The following CDH12 variants were observed in gnomAD, a reference collection of about 807,000 sequenced individuals.
CDH12 encodes the protein cadherin-12.
Under a neutral mutation model 74.1 loss-of-function variants are expected in CDH12, and 41 were observed. The ratio of observed to expected loss-of-function variants is 0.55; its 90% CI spans 0.43 to 0.72. The LOEUF is 0.72. Among genes scored for constraint, CDH12 ranks in the 30% least tolerant of loss-of-function variants. The pLI, the probability that CDH12 is intolerant of heterozygous loss-of-function variation, is 0.00. For synonymous variants in CDH12, 399 were observed against 355.0 expected, an observed-to-expected ratio of 1.12 and a Z score of -1.39; for missense variants, 945 against 977.2, an observed-to-expected ratio of 0.97 and a Z score of 0.44.
intron 1 of CDH12, among the ~76,000 whole-genome samples, chr5:22,527,216 C>A (rs1425001195): frequency 6.6e-6 from 1 of 152,156 alleles, no homozygotes; most frequent in South Asian, 2.1e-4. Flanking sequence ...AGTATAAATT[C>A]TTGGCATTGT....
At chr5:22,029,225 C>G (rs1451595247) in intron 5 of CDH12, among the ~76,000 whole-genome samples, 1 of 151,982 alleles carries the variant, frequency 6.6e-6, no homozygotes, top group Non-Finnish European at 1.5e-5. Context: ...GTCTAAAACA[C>G]CAAAAGCAAT....
chr5:21,833,044 A>ATATGTTATGTAACATATAC (rs1561224561), intron 8 of CDH12, among the ~76,000 whole-genome samples: 1 of 71,776 alleles, frequency 1.4e-5, no homozygotes, highest in African/African-American at 5.2e-5. Context: ...ATAATATATA[A>ATATGTTATGTAACATATAC]TATATATTAT....
intron 3 of CDH12, among the ~76,000 whole-genome samples, chr5:22,273,520 G>T (rs890186014): frequency 2.6e-5 from 4 of 152,026 alleles, no homozygotes; most frequent in Non-Finnish European, 4.4e-5. Context: ...TATTAGCTTG[G>T]TGCAAATTGC....
chr5:21,839,902 T>G (rs1056337767), intron 8 of CDH12, among the ~76,000 whole-genome samples: 2 of 152,056 alleles, frequency 1.3e-5, no homozygotes, highest in Non-Finnish European at 2.9e-5. Context: ...TAGTGATTGG[T>G]GTTAGATGTA....
intron 4 of CDH12, among the ~76,000 whole-genome samples, chr5:22,126,929 C>T (rs1213212870): frequency 6.6e-6 from 1 of 152,104 alleles, no homozygotes; most frequent in Non-Finnish European, 1.5e-5. Flanking sequence ...TATTCATTCC[C>T]GTGTTAAAAT....
intron 1 of CDH12, among the ~76,000 whole-genome samples, chr5:22,819,878 AT>A (rs1749582245): frequency 6.7e-6 from 1 of 149,042 alleles, no homozygotes; most frequent in Non-Finnish European, 1.5e-5. Context: ...AAATATATAT[AT>A]TTATATCCAG....
chr5:22,223,426 A>G (rs937271510), intron 3 of CDH12, among the ~76,000 whole-genome samples: 1 of 152,048 alleles, frequency 6.6e-6, no homozygotes, highest in African/African-American at 2.4e-5. Context: ...GGTCAGCCTT[A>G]TTAGGAATTT....
intron 1 of CDH12, among the ~76,000 whole-genome samples, chr5:22,726,298 A>G (rs1266872522): frequency 2.0e-5 from 3 of 151,732 alleles, no homozygotes; most frequent in Non-Finnish European, 4.4e-5. Flanking sequence ...TATATGTTAT[A>G]TGGCCTTTTC....
At chr5:22,577,004 A>T (rs1255622850) in intron 1 of CDH12, among the ~76,000 whole-genome samples, 4 of 152,162 alleles carry the variant, frequency 2.6e-5, no homozygotes, top group African/African-American at 7.2e-5. Context: ...TATTAATATT[A>T]AAAAAAGGAG....
intron 1 of CDH12, among the ~76,000 whole-genome samples, chr5:22,729,595 C>A (rs77199182): frequency 0.04 from 6,020 of 151,936 alleles, 177 homozygotes; most frequent in Admixed American, 0.07. Flanking sequence ...ACCAGTGCAT[C>A]TAGGAAGGAT....
At chr5:22,483,664 T>C (rs1365305991) in intron 2 of CDH12, among the ~76,000 whole-genome samples, 2 of 144,008 alleles carry the variant, frequency 1.4e-5, no homozygotes, top group Non-Finnish European at 3.0e-5. Context: ...GGAAACCTTA[T>C]GCAGAATTGA....
chr5:21,830,295 C>T (rs1309094199), intron 8 of CDH12, among the ~76,000 whole-genome samples: 2 of 147,460 alleles, frequency 1.4e-5, no homozygotes, highest in African/African-American at 5.0e-5. Context: ...TCAACCACCA[C>T]TTGTTCATCT....
chr5:22,739,793 G>A (rs536284041), intron 1 of CDH12, among the ~76,000 whole-genome samples: 1 of 152,012 alleles, frequency 6.6e-6, no homozygotes, highest in Non-Finnish European at 1.5e-5. Flanking sequence ...TTTAACATTA[G>A]TGTGAACTAG....
chr5:22,809,917 A>G (rs180999500), intron 1 of CDH12, among the ~76,000 whole-genome samples: 2 of 152,240 alleles, frequency 1.3e-5, no homozygotes, highest in East Asian at 3.9e-4. Context: ...CTAATTCAAG[A>G]TTAATTCAAG....
chr5:22,275,564 A>C (rs933380776), intron 3 of CDH12, among the ~76,000 whole-genome samples: 1 of 152,170 alleles, frequency 6.6e-6, no homozygotes, highest in African/African-American at 2.4e-5. Flanking sequence ...TGGGGTCTAT[A>C]TTAGAAGACT....
intron 1 of CDH12, among the ~76,000 whole-genome samples, chr5:22,648,327 A>G (rs1040684779): frequency 1.1e-4 from 17 of 151,998 alleles, no homozygotes; most frequent in African/African-American, 3.4e-4. Context: ...AGACCACAGA[A>G]CAGTATCTAC....
intron 2 of CDH12, among the ~76,000 whole-genome samples, chr5:22,450,221 T>C (rs879857519): frequency 6.6e-6 from 1 of 151,972 alleles, no homozygotes; most frequent in Non-Finnish European, 1.5e-5. Flanking sequence ...CCTTCCAAGC[T>C]GAGTGACCTT....
At chr5:22,039,792 C>T (rs1470066767) in intron 5 of CDH12, among the ~76,000 whole-genome samples, 1 of 151,894 alleles carries the variant, frequency 6.6e-6, no homozygotes, top group Non-Finnish European at 1.5e-5. Flanking sequence ...ATGCCCTTTC[C>T]AACCAGCACA....
intron 6 of CDH12, among the ~76,000 whole-genome samples, chr5:21,935,611 C>A (rs960253348): frequency 1.3e-5 from 2 of 152,166 alleles, no homozygotes; most frequent in Non-Finnish European, 2.9e-5. Flanking sequence ...TTATACTCTT[C>A]TAGTTATTTT....
Sources: allele counts gnomAD v4.1 joint callset (sites outside exome capture counted in the v4.1 genomes callset), GRCh38; gene constraint gnomAD v4.1.1; transcripts MANE v1.5; gene names NCBI Gene and HGNC (gene_info 2026-07-23, HGNC 2026-07-21).